The following DPYD variants were observed in gnomAD, a reference collection of about 807,000 sequenced individuals.
The protein encoded by DPYD is dihydropyrimidine dehydrogenase [NADP(+)].
A neutral mutation model predicts 116.2 loss-of-function variants in DPYD; 109 were observed. The observed-to-expected ratio is 0.94, with a 90% CI of 0.80 to 1.10. The LOEUF (loss-of-function observed/expected upper bound fraction) is 1.10, where lower values mean the gene tolerates loss of function less well. Among genes scored for constraint, DPYD ranks in the 50% least tolerant of loss-of-function variants. The pLI, the probability that DPYD is intolerant of heterozygous loss-of-function variation, is 0.00. For missense variants in DPYD, 1,302 were observed against 1,254.5 expected (o/e 1.04, Z -0.57); for synonymous variants, 440 against 432.0 (o/e 1.02, Z -0.23).
intron 3 of DPYD, among the ~76,000 whole-genome samples, chr1:97,773,403 T>TA (rs1553237167): frequency 6.6e-6 from 1 of 152,190 alleles, no homozygotes; most frequent in African/African-American, 2.4e-5. Context: ...AGGGAAGTGC[T>TA]GGCAGAGAAG....
At chr1:97,101,732 T>C (rs1465946532) in intron 20 of DPYD, among the ~76,000 whole-genome samples, 1 of 152,088 alleles carries the variant, frequency 6.6e-6, no homozygotes, top group Non-Finnish European at 1.5e-5. Flanking sequence ...AGAAAAGTTG[T>C]AGCCTGCGGT....
chr1:97,141,681 T>A (rs566798541), intron 20 of DPYD, among the ~76,000 whole-genome samples: 2 of 152,312 alleles, frequency 1.3e-5, no homozygotes, highest in East Asian at 3.9e-4. Context: ...TTATCTCTTT[T>A]ACTTAAATAT....
At chr1:97,639,643 C>G (rs1401604684) in intron 8 of DPYD, among the ~76,000 whole-genome samples, 1 of 151,304 alleles carries the variant, frequency 6.6e-6, no homozygotes, top group Non-Finnish European at 1.5e-5. Context: ...AAAACAAGAC[C>G]CCAATCTTAT....
intron 13 of DPYD, among the ~76,000 whole-genome samples, chr1:97,498,455 T>TAC (rs1368187474): frequency 1.3e-5 from 2 of 150,754 alleles, no homozygotes; most frequent in African/African-American, 4.9e-5. Context: ...ACACTAAATA[T>TAC]ACACACACAG....
chr1:97,644,153 G>T (rs1428444795), intron 8 of DPYD, among the ~76,000 whole-genome samples: 1 of 151,880 alleles, frequency 6.6e-6, no homozygotes, highest in African/African-American at 2.4e-5. Flanking sequence ...TCACTGCAAT[G>T]GTTTTCTACA....
chr1:97,637,127 A>G (rs756065232), intron 8 of DPYD, among the ~76,000 whole-genome samples: 8 of 152,188 alleles, frequency 5.3e-5, no homozygotes, highest in Middle Eastern at 3.2e-3. Flanking sequence ...TTCTACTCCC[A>G]GGAAGAAGAC....
At chr1:97,483,476 C>A (rs1001222304) in intron 13 of DPYD, among the ~76,000 whole-genome samples, 1 of 151,978 alleles carries the variant, frequency 6.6e-6, no homozygotes, top group African/African-American at 2.4e-5. Context: ...CACAGGGAGG[C>A]GAACGACACT....
intron 20 of DPYD, among the ~76,000 whole-genome samples, chr1:97,120,781 G>A (rs1263894195): frequency 6.6e-6 from 1 of 152,152 alleles, no homozygotes; most frequent in African/African-American, 2.4e-5. Context: ...AATGGTGTGA[G>A]CTCAGCAAGT....
intron 3 of DPYD, among the ~76,000 whole-genome samples, chr1:97,772,109 T>G (rs1666174284): frequency 6.6e-6 from 1 of 152,192 alleles, no homozygotes; most frequent in South Asian, 2.1e-4. Flanking sequence ...TGTCTTAAAT[T>G]TTTTTATCTC....
At chr1:97,330,944 A>C (rs910542326) in intron 16 of DPYD, among the ~76,000 whole-genome samples, 1 of 152,204 alleles carries the variant, frequency 6.6e-6, no homozygotes, top group African/African-American at 2.4e-5. Context: ...ACTGAATATT[A>C]ATTCTTGACT....
At position 97,819,777 on chromosome 1, in the gene DPYD, T is replaced by C. The variant is rs144124498; in HGVS notation, c.233+8337A>G. ...AAGAATTCCATAAAATTTCCTTAAA[T>C]CTTTGTAATCCTAATGAATACACCT... is the stretch of plus-strand genomic sequence containing the variant. On this transcript the variant is annotated intron_variant, in intron 3 of 22. Coordinates refer to ENST00000370192, the MANE Select transcript of DPYD (RefSeq NM_000110.4). Among the ~76,000 whole-genome samples the C allele has an allele frequency of 2.4e-4, 37 of 152,164 alleles. No homozygotes were observed. The East Asian group carries it at 7.1e-3, about 29-fold the overall frequency.
At position 97,201,565 on chromosome 1, in the gene DPYD, T is replaced by G. The variant is rs189507028; in HGVS notation, c.2443-8317A>C. On this transcript the variant is annotated intron_variant, in intron 19 of 22. Coordinates refer to ENST00000370192, the MANE Select transcript of DPYD (RefSeq NM_000110.4). ...ATAAAACACCAAAATTATAATTTTA[T>G]AAAAATATAGGTTAAAAGACAGCCC... Among the ~76,000 whole-genome samples the G allele has an allele frequency of 1.8e-3, 277 of 152,268 alleles. 1 individual carries two copies. In the Middle Eastern group the frequency reaches 0.024, roughly 13 times the overall value.
At chr1:97,346,915 A>G (rs571350359) in intron 16 of DPYD, among the ~76,000 whole-genome samples, 136 of 152,014 alleles carry the variant, frequency 8.9e-4, no homozygotes, top group Middle Eastern at 3.4e-3. Flanking sequence ...AATGTCTAGC[A>G]TAAATGCTAT....
chr1:97,308,898 C>T (rs1187042301), intron 16 of DPYD, among the ~76,000 whole-genome samples: 1 of 151,650 alleles, frequency 6.6e-6, no homozygotes. Flanking sequence ...CCAATACATA[C>T]AAGGAGAAGA....
intron 13 of DPYD, among the ~76,000 whole-genome samples, chr1:97,465,018 G>T (rs1242900266): frequency 6.6e-6 from 1 of 152,212 alleles, no homozygotes; most frequent in Non-Finnish European, 1.5e-5. Flanking sequence ...CCACAGGATG[G>T]AGCTGGTGAA....
intron 8 of DPYD, among the ~76,000 whole-genome samples, chr1:97,645,873 T>C (rs375560000): frequency 6.6e-5 from 10 of 152,090 alleles, no homozygotes; most frequent in African/African-American, 2.4e-4. Context: ...TTGTAGATTC[T>C]ATATTTGAAG....
intron 2 of DPYD, among the ~76,000 whole-genome samples, chr1:97,867,895 A>G (rs1671466203): frequency 6.6e-6 from 1 of 151,866 alleles, no homozygotes; most frequent in African/African-American, 2.4e-5. Context: ...AGAGAAAGAA[A>G]TAAAAGGCAT....
intron 3 of DPYD, among the ~76,000 whole-genome samples, chr1:97,813,153 A>G (rs1668415452): frequency 6.6e-6 from 1 of 152,138 alleles, no homozygotes; most frequent in African/African-American, 2.4e-5. Context: ...CTCATATGCA[A>G]TCATCTACCT....
At chr1:97,106,790 C>G (rs1432796098) in intron 20 of DPYD, among the ~76,000 whole-genome samples, 1 of 152,096 alleles carries the variant, frequency 6.6e-6, no homozygotes, top group Non-Finnish European at 1.5e-5. Flanking sequence ...TCTATAACAA[C>G]GTGAGCCAAT....
Sources: gnomAD v4.1 joint callset for allele counts (sites outside exome capture counted in the v4.1 genomes callset) on GRCh38, gnomAD v4.1.1 for gene constraint, MANE v1.5 for transcripts, NCBI Gene and HGNC (gene_info 2026-07-23, HGNC 2026-07-21) for gene names.